The following MMS22L variants were observed in gnomAD, a reference collection of about 807,000 sequenced individuals.
MMS22L encodes the protein protein MMS22-like.
MMS22L carries 74 observed loss-of-function variants against 159.1 expected under a neutral mutation model. That is an observed-to-expected ratio of 0.47 (90% CI 0.39 to 0.56). MMS22L has a LOEUF of 0.56. Among genes scored for constraint, MMS22L ranks in the 20% least tolerant of loss-of-function variants. The probability of loss-of-function intolerance (pLI) is 0.00; values close to 1 mark genes in which losing one functional copy is unlikely to be tolerated. For missense variants in MMS22L, 1,351 were observed against 1,422.1 expected, an observed-to-expected ratio of 0.95 and a Z score of 0.80; for synonymous variants, 517 against 506.9, an observed-to-expected ratio of 1.02 and a Z score of -0.27.
chr6:97,256,172 C>T (rs528174469), intron 9 of MMS22L, among the ~76,000 whole-genome samples: 1 of 152,122 alleles, frequency 6.6e-6, no homozygotes, highest in African/African-American at 2.4e-5. Context: ...CCTCTACCTG[C>T]TTGGAAGTTA....
At chr6:97,165,541 A>G (rs1429576927) in intron 20 of MMS22L, 84 bp from the exon 21 acceptor site, 11 of 1,045,228 alleles carry the variant, frequency 1.1e-5, no homozygotes, top group Non-Finnish European at 1.4e-5. Context: ...TGAAGTCCCC[A>G]GCATTAATAA....
intron 14 of MMS22L, among the ~76,000 whole-genome samples, chr6:97,218,925 C>G (rs185673314): frequency 1.1e-4 from 17 of 152,294 alleles, no homozygotes; most frequent in Admixed American, 9.8e-4. Flanking sequence ...ATAGCTAGTG[C>G]TACCCTACTG....
intron 9 of MMS22L, chr6:97,261,635 G>C (rs1479799994): frequency 6.6e-6 from 1 of 152,126 alleles, no homozygotes; most frequent in Non-Finnish European, 1.5e-5. Flanking sequence ...GTTACATGCA[G>C]TTTTCTGACT....
chr6:97,259,437 CA>C (rs1301458832), intron 9 of MMS22L: 1 of 152,118 alleles, frequency 6.6e-6, no homozygotes, highest in Non-Finnish European at 1.5e-5. Context: ...GCCATCCAAT[CA>C]ATTAGTGGCC....
intron 14 of MMS22L, among the ~76,000 whole-genome samples, chr6:97,189,390 T>C (rs1325818302): frequency 2.0e-5 from 3 of 151,022 alleles, no homozygotes; most frequent in Non-Finnish European, 3.0e-5. Flanking sequence ...TGAAACCCCA[T>C]CTCTATTAAA....
chr6:97,246,610 C>A lies in MMS22L; in HGVS notation c.1182+18G>T, dbSNP rs1441754103. The stretch of plus-strand genomic sequence containing the variant: ...AAATTAAGCAAAATCCACAAACTGT[C>A]TTACTTTAATTGCATACCTGAACAC... On this transcript the variant is annotated intron_variant, in intron 11 of 24. Coordinates refer to ENST00000683635, the MANE Select transcript of MMS22L (RefSeq NM_001350599.2). 3 of 1,591,102 alleles carry A rather than the reference C, an allele frequency of 1.9e-6. No individual in the cohort carries two copies. Among genetic ancestry groups the A allele is most frequent in the South Asian group, 1.2e-5 (1 of 85,994 alleles).
At chr6:97,268,480 G>A (rs1385142247) in intron 7 of MMS22L, among the ~76,000 whole-genome samples, 1 of 151,802 alleles carries the variant, frequency 6.6e-6, no homozygotes, top group Admixed American at 6.6e-5. Context: ...GAGCCACCAC[G>A]TCCAGCCCAA....
intron 14 of MMS22L, among the ~76,000 whole-genome samples, chr6:97,194,175 A>G (rs1463229290): frequency 6.6e-6 from 1 of 152,170 alleles, no homozygotes; most frequent in Non-Finnish European, 1.5e-5. Context: ...CTCCTGCCTC[A>G]GCCTCCCGAG....
At chr6:97,156,355 C>T (rs1380269851) in intron 22 of MMS22L, among the ~76,000 whole-genome samples, 1 of 152,094 alleles carries the variant, frequency 6.6e-6, no homozygotes. Context: ...GCTTTTGTTG[C>T]CGTTGCTTTT....
intron 21 of MMS22L, among the ~76,000 whole-genome samples, chr6:97,164,940 T>C (rs1217996942): frequency 6.6e-6 from 1 of 152,044 alleles, no homozygotes; most frequent in Non-Finnish European, 1.5e-5. Context: ...CTGTGTTTTA[T>C]ACAGTATAAA....
chr6:97,255,213 C>T (rs1275186668), intron 9 of MMS22L, among the ~76,000 whole-genome samples: 1 of 152,030 alleles, frequency 6.6e-6, no homozygotes, highest in Non-Finnish European at 1.5e-5. Context: ...TATGATAAAA[C>T]ATTTATTCAA....
chr6:97,152,822 A>T (rs547540683), intron 22 of MMS22L, among the ~76,000 whole-genome samples: 1 of 150,222 alleles, frequency 6.7e-6, no homozygotes, highest in South Asian at 2.1e-4. Context: ...TTTTTTTTTA[A>T]AAAAAATGAG....
intron 14 of MMS22L, among the ~76,000 whole-genome samples, chr6:97,191,773 T>A (rs937009524): frequency 6.6e-6 from 1 of 152,214 alleles, no homozygotes; most frequent in African/African-American, 2.4e-5. Flanking sequence ...CCTCTCATCA[T>A]ACTTGCTTGT....
At position 97,142,946 on chromosome 6, in the gene MMS22L, A is replaced by G. The variant is rs1800708004; in HGVS notation, c.*3860T>C. 1 of 152,566 alleles carries G rather than the reference A, an allele frequency of 6.6e-6. No individual in the cohort carries two copies. Among genetic ancestry groups the G allele is most frequent in the Non-Finnish European group, 1.5e-5 (1 of 68,010 alleles). 9.5% of individuals were successfully genotyped at this position (152,566 alleles called of 1,614,324 possible). A position where few individuals can be genotyped will look rare whatever the true frequency, so the allele number is the denominator to read the frequency against. On this transcript the variant is annotated 3_prime_UTR_variant, in exon 25 of 25. Transcript: ENST00000683635. ...GAAAAAGTCAAATATGCTTAAGAAG[A>G]AAACATACGAAGGATAGGTAAAGAT...
In MMS22L at chr6:97,270,000, T is replaced by G. The variant is rs1815554906; in HGVS notation, c.607-8A>C. 6.2e-7 allele frequency: 1 copy of G among 1,604,496 alleles called. No individual in the cohort carries two copies. The highest frequency in any genetic ancestry group is 8.5e-7 in the Non-Finnish European group (1 of 1,172,296). On this transcript the variant is annotated splice_polypyrimidine_tract_variant and splice_region_variant and intron_variant, in intron 6 of 24. Coordinates refer to ENST00000683635, the MANE Select transcript of MMS22L (RefSeq NM_001350599.2). ...CCATGACGGTGGAAAAAGCTGTGGA[T>G]GACATTATCAACTGTGATTGAGAAT... is the stretch of plus-strand genomic sequence containing the variant.
Position 97,150,099 on chromosome 6 carries a change from A to G in MMS22L, c.3483-79T>C, listed in dbSNP as rs915043753. ...GGTATCTACGTGGCAATCAACTATG[A>G]ACTGAACATAACAAAGATCATTTCA... On this transcript the variant is annotated intron_variant, in intron 23 of 24. Coordinates refer to ENST00000683635, the MANE Select transcript of MMS22L (RefSeq NM_001350599.2). 9.8e-6 allele frequency: 10 copies of G among 1,020,444 alleles called. No homozygotes were observed. The African/African-American group carries it at 1.6e-4, about 17-fold the overall frequency. 63.2% of individuals were successfully genotyped at this position (1,020,444 alleles called of 1,614,324 possible). A position where few individuals can be genotyped will look rare whatever the true frequency, so the allele number is the denominator to read the frequency against.
chr6:97,217,661 T>C (rs1809166089), intron 14 of MMS22L, among the ~76,000 whole-genome samples: 1 of 152,200 alleles, frequency 6.6e-6, no homozygotes, highest in Non-Finnish European at 1.5e-5. Context: ...CTACAGATTA[T>C]AATCAGGGGC....
At chr6:97,166,121 T>A (rs987629734) in intron 20 of MMS22L, among the ~76,000 whole-genome samples, 6 of 152,150 alleles carry the variant, frequency 3.9e-5, no homozygotes, top group Non-Finnish European at 5.9e-5. Flanking sequence ...CACAGAACTC[T>A]TGATATCTGG....
rs1311276064 is a variant in MMS22L, at chr6:97,228,894, C to T, written c.2039G>A (p.Arg680Lys). ...ATTAGCATACAACTGAAAACCATACCTGATTCTGGCCAGAACAGCTTGTAG... is the reference window on the plus strand; with the variant it reads ...ATTAGCATACAACTGAAAACCATACTTGATTCTGGCCAGAACAGCTTGTAG... ...SFLQAVLARI[R>K]SMHQQLCQEL... The change falls in exon 14 of 25, where the codon AGG (arginine) becomes AAG (lysine). Residue 680 changes from arginine to lysine, a missense_variant and splice_region_variant. Transcript: ENST00000683635. 2.5e-6 allele frequency: 4 copies of T among 1,602,364 alleles called. No individual in the cohort carries two copies. The highest frequency in any genetic ancestry group is 3.4e-6 in the Non-Finnish European group (4 of 1,174,090).
Sources: allele counts gnomAD v4.1 joint callset (sites outside exome capture counted in the v4.1 genomes callset), GRCh38; gene constraint gnomAD v4.1.1; transcripts MANE v1.5; gene names NCBI Gene and HGNC (gene_info 2026-07-23, HGNC 2026-07-21).